Variants in SNX16 observed in about 807,000 individuals in gnomAD.
SNX16 encodes sorting nexin 16.
Under a neutral mutation model 36.7 loss-of-function variants are expected in SNX16, and 35 were observed. The ratio of observed to expected loss-of-function variants is 0.95; its 90% CI spans 0.73 to 1.27. The LOEUF (loss-of-function observed/expected upper bound fraction) is 1.27, where lower values mean the gene tolerates loss of function less well. SNX16 is among the 50% of genes most tolerant of loss of function. SNX16 has a pLI of 0.00. For missense variants in SNX16, 367 were observed against 393.6 expected (o/e 0.93, Z 0.57); for synonymous variants, 134 against 132.0 (o/e 1.02, Z -0.10).
At chr8:81,817,500 G>A (rs905380614) in intron 4 of SNX16, among the ~76,000 whole-genome samples, 15 of 152,034 alleles carry the variant, frequency 9.9e-5, no homozygotes, top group Non-Finnish European at 1.6e-4. Flanking sequence ...GAAATCCAAT[G>A]GATTCTTTAA....
At position 81,815,305 on chromosome 8, in the gene SNX16, C is replaced by CTATAT; in HGVS notation, c.681+15_681+19dup. 1 of 1,582,402 alleles carries CTATAT rather than the reference C, an allele frequency of 6.3e-7. No individual in the cohort carries two copies. The highest frequency in any genetic ancestry group is 8.7e-7 in the Non-Finnish European group (1 of 1,155,464). On this transcript the variant is annotated intron_variant, in intron 5 of 7. Coordinates refer to ENST00000345957, the MANE Select transcript of SNX16 (RefSeq NM_152836.3). The stretch of plus-strand genomic sequence containing the variant: ...CATTAATTGTTCCTCTTTTCATGTG[C>CTATAT]TATATAATACAGCACTTACCCTGCT...
intron 4 of SNX16, among the ~76,000 whole-genome samples, chr8:81,819,195 G>T (rs765735527): frequency 4.6e-5 from 7 of 152,008 alleles, no homozygotes; most frequent in African/African-American, 7.2e-5. Flanking sequence ...GAAAAAAATG[G>T]CATGTAAGAT....
intron 2 of SNX16, among the ~76,000 whole-genome samples, chr8:81,838,214 C>T (rs564721526): frequency 6.6e-6 from 1 of 152,010 alleles, no homozygotes; most frequent in Admixed American, 6.6e-5. Context: ...AACAACAAAA[C>T]ATTACTAGAA....
At chr8:81,820,611 T>C (rs767999494) in intron 4 of SNX16, among the ~76,000 whole-genome samples, 5,176 of 152,082 alleles carry the variant, frequency 0.034, 144 homozygotes, top group Non-Finnish European at 0.052. Context: ...ATTATTTGTT[T>C]CTGACTTATA....
At chr8:81,801,764 T>C (rs1809707331) in intron 7 of SNX16, among the ~76,000 whole-genome samples, 171 bp from the exon 8 acceptor site, 1 of 151,722 alleles carries the variant, frequency 6.6e-6, no homozygotes, top group Admixed American at 6.6e-5. Flanking sequence ...ATTTGATATA[T>C]TTAAGTTGTC....
At chr8:81,818,468 A>C (rs956760263) in intron 4 of SNX16, among the ~76,000 whole-genome samples, 4 of 152,078 alleles carry the variant, frequency 2.6e-5, no homozygotes, top group Non-Finnish European at 5.9e-5. Context: ...AATTTTTTTT[A>C]ACTAGAAGAA....
chr8:81,815,192 A>G, intron 5 of SNX16, 133 bp downstream of exon 5: 1 of 594,116 alleles, frequency 1.7e-6, no homozygotes, highest in Non-Finnish European at 2.7e-6. Context: ...CAAACATGAA[A>G]GCTTTCTGTG....
chr8:81,811,756 T>A (rs7825180), intron 5 of SNX16, among the ~76,000 whole-genome samples: 99,018 of 151,822 alleles, frequency 0.65, 32,604 homozygotes, highest in South Asian at 0.69. Flanking sequence ...TGTATTCAAA[T>A]AAATGTACAA....
At chr8:81,813,374 TA>T (rs944743203) in intron 5 of SNX16, among the ~76,000 whole-genome samples, 7 of 149,956 alleles carry the variant, frequency 4.7e-5, no homozygotes, top group African/African-American at 7.3e-5. Context: ...CAAAACGAAC[TA>T]AAAAAAAATT....
rs1322233256 is a variant in SNX16, at chr8:81,800,354, G to C, written c.*1143C>G. On this transcript the variant is annotated 3_prime_UTR_variant, in exon 8 of 8. Transcript: ENST00000345957. ...ATGAAACAAGGCACTTTTAATGACTGTACACAAAGCTGAAATAAACAAACA... is the reference window on the plus strand; with the variant it reads ...ATGAAACAAGGCACTTTTAATGACTCTACACAAAGCTGAAATAAACAAACA... 2.6e-5 allele frequency: 4 copies of C among 151,930 alleles called. No homozygotes were observed. Among genetic ancestry groups the C allele is most frequent in the Non-Finnish European group, 5.9e-5 (4 of 67,730 alleles). The allele number at this position is 151,930 out of a possible 1,614,324, so 9.4% of individuals were successfully genotyped here. A position where few individuals can be genotyped will look rare whatever the true frequency, so the allele number is the denominator to read the frequency against.
At chr8:81,832,427 A>AG (rs1038524674) in intron 2 of SNX16, among the ~76,000 whole-genome samples, 12 of 152,246 alleles carry the variant, frequency 7.9e-5, no homozygotes, top group African/African-American at 2.9e-4. Flanking sequence ...AGAAGGATGA[A>AG]GGGGGGAAGG....
At chr8:81,813,175 T>C (rs760185154) in intron 5 of SNX16, among the ~76,000 whole-genome samples, 13 of 151,782 alleles carry the variant, frequency 8.6e-5, no homozygotes, top group Non-Finnish European at 1.3e-4. Context: ...TACAAACAGA[T>C]TGAAAGTAAA....
chr8:81,829,994 T>C (rs957714514), intron 2 of SNX16, among the ~76,000 whole-genome samples: 2 of 151,902 alleles, frequency 1.3e-5, no homozygotes, highest in Non-Finnish European at 2.9e-5. Flanking sequence ...AGCATCCAAA[T>C]AGGAAAAGAA....
intron 2 of SNX16, 77 bp downstream of exon 2, chr8:81,839,535 A>T: frequency 7.5e-7 from 1 of 1,333,272 alleles, no homozygotes; most frequent in Non-Finnish European, 1.0e-6. Flanking sequence ...AGTTTACATT[A>T]ATTTAACACT....
At chr8:81,803,617 C>T (rs1489587) in intron 5 of SNX16, among the ~76,000 whole-genome samples, 37,634 of 151,758 alleles carry the variant, frequency 0.25, 5,222 homozygotes, top group East Asian at 0.37. Context: ...AAAATATCAA[C>T]TGTGGTTGAT....
At position 81,799,790 on chromosome 8, in the gene SNX16, A is replaced by G. The variant is rs1051359983; in HGVS notation, c.*1707T>C. 1.3e-5 allele frequency: 2 copies of G among 151,978 alleles called. No homozygotes were observed. Among genetic ancestry groups the G allele is most frequent in the Non-Finnish European group, 2.9e-5 (2 of 67,842 alleles). 9.4% of individuals were successfully genotyped at this position (151,978 alleles called of 1,614,324 possible). A position where few individuals can be genotyped will look rare whatever the true frequency, so the allele number is the denominator to read the frequency against. On this transcript the variant is annotated 3_prime_UTR_variant, in exon 8 of 8. Coordinates refer to ENST00000345957, the MANE Select transcript of SNX16 (RefSeq NM_152836.3). The stretch of plus-strand genomic sequence containing the variant: ...GTTCGCTTTAGAACAGACAGGCAAC[A>G]CTATAATATCTAGAATTTGGCAAAG...
intron 2 of SNX16, among the ~76,000 whole-genome samples, chr8:81,838,715 A>C (rs773765357): frequency 6.6e-6 from 1 of 152,104 alleles, no homozygotes. Context: ...GTAGCCTTGG[A>C]GTAGGCAAAG....
chr8:81,838,708 G>T (rs1811605972), intron 2 of SNX16, among the ~76,000 whole-genome samples: 1 of 151,822 alleles, frequency 6.6e-6, no homozygotes, highest in Admixed American at 6.6e-5. Context: ...TATCTTTGTA[G>T]CCTTGGAGTA....
chr8:81,805,356 T>C (rs1176798767), intron 5 of SNX16, among the ~76,000 whole-genome samples: 1 of 151,992 alleles, frequency 6.6e-6, no homozygotes, highest in Non-Finnish European at 1.5e-5. Flanking sequence ...AATTTGACTG[T>C]TATATAAAAG....
Sources: gnomAD v4.1 joint callset for allele counts (sites outside exome capture counted in the v4.1 genomes callset) on GRCh38, gnomAD v4.1.1 for gene constraint, MANE v1.5 for transcripts, NCBI Gene and HGNC (gene_info 2026-07-23, HGNC 2026-07-21) for gene names.